LRBA: variants seen among roughly 807,000 people sequenced by gnomAD.
LRBA encodes the protein lipopolysaccharide-responsive and beige-like anchor protein.
LRBA carries 176 observed loss-of-function variants against 330.0 expected under a neutral mutation model. The observed-to-expected ratio is 0.53, with a 90% confidence interval of 0.47 to 0.60. The LOEUF (loss-of-function observed/expected upper bound fraction) is 0.60. LRBA is among the 20% of genes least tolerant of loss of function. The probability of loss-of-function intolerance (pLI) is 0.00; values close to 1 mark genes in which losing one functional copy is unlikely to be tolerated. For missense variants in LRBA, 3,259 were observed against 3,444.8 expected (o/e 0.95, Z 1.35); for synonymous variants, 1,230 against 1,193.0 (o/e 1.03, Z -0.64).
At chr4:150,538,933 C>T (rs899072765) in intron 40 of LRBA, among the ~76,000 whole-genome samples, 2 of 151,914 alleles carry the variant, frequency 1.3e-5, no homozygotes, top group Non-Finnish European at 2.9e-5. Flanking sequence ...CAAACCTGCA[C>T]ATGTAGCCTC....
chr4:150,836,722 T>G (rs537100752), intron 28 of LRBA, among the ~76,000 whole-genome samples: 1 of 152,208 alleles, frequency 6.6e-6, no homozygotes, highest in Admixed American at 6.5e-5. Context: ...CCTATCAATT[T>G]TGTTGATCTT....
intron 37 of LRBA, among the ~76,000 whole-genome samples, chr4:150,644,243 A>T (rs550620071): frequency 6.6e-5 from 10 of 152,054 alleles, no homozygotes; most frequent in Non-Finnish European, 1.2e-4. Flanking sequence ...CAATATTACC[A>T]AACAAAGCAC....
intron 37 of LRBA, among the ~76,000 whole-genome samples, chr4:150,673,941 T>C (rs1224530020): frequency 6.6e-6 from 1 of 152,130 alleles, no homozygotes; most frequent in Admixed American, 6.6e-5. Context: ...AAGAGTCATA[T>C]ATTATGATTT....
intron 44 of LRBA, among the ~76,000 whole-genome samples, chr4:150,448,727 A>C (rs1485324947): frequency 7.0e-6 from 1 of 143,356 alleles, no homozygotes; most frequent in African/African-American, 2.5e-5. Flanking sequence ...GCTTGAACCC[A>C]GAAGGCAGAG....
chr4:150,792,185 C>T (rs1351679779), intron 34 of LRBA, among the ~76,000 whole-genome samples: 1 of 149,228 alleles, frequency 6.7e-6, no homozygotes, highest in Non-Finnish European at 1.5e-5. Flanking sequence ...TTCCTAATAC[C>T]GGATAGTAAG....
intron 40 of LRBA, among the ~76,000 whole-genome samples, chr4:150,506,374 C>A (rs895962300): frequency 6.6e-6 from 1 of 152,154 alleles, no homozygotes; most frequent in African/African-American, 2.4e-5. Context: ...AAAAGCTTAT[C>A]CACCATGATC....
chr4:150,877,099 C>A (rs13109945), intron 17 of LRBA, among the ~76,000 whole-genome samples: 112,734 of 149,300 alleles, frequency 0.76, 43,468 homozygotes, highest in Non-Finnish European at 0.86. Flanking sequence ...TAAAAACACA[C>A]AAAAAAAAAT....
rs147673028 is a variant in LRBA at position 150,503,974 on chromosome 4, C to A, written c.6331-12939G>T. On this transcript the variant is annotated intron_variant, in intron 40 of 56. Transcript: ENST00000651943. ...AAGCCTCAGTAGCCGATGCGATCAA[C>A]TGGAAGAAAGGGTATCAGTGATGGA... Among the ~76,000 whole-genome samples, 601 of 152,248 alleles carry A rather than the reference C, an allele frequency of 3.9e-3. 2 individuals carry two copies. Among genetic ancestry groups the A allele is most frequent in the Non-Finnish European group, 7.0e-3 (479 of 68,032 alleles).
At chr4:150,595,487 A>T (rs151182086) in intron 38 of LRBA, among the ~76,000 whole-genome samples, 5 of 152,056 alleles carry the variant, frequency 3.3e-5, no homozygotes, top group East Asian at 1.9e-4. Flanking sequence ...AAACTATGTT[A>T]AATTCTCCTT....
rs1434813419 is a variant in LRBA, at chr4:150,828,296, C to T, written c.5055G>A (p.Leu1685=). 3 of 1,614,032 alleles carry T rather than the reference C, an allele frequency of 1.9e-6. No individual in the cohort carries two copies. Among genetic ancestry groups the T allele is most frequent in the African/African-American group, 1.3e-5 (1 of 74,928 alleles). ...NVNVKDILRS[L]VNIPADGVTV... is the part of the protein sequence containing the mutation. The stretch of plus-strand genomic sequence containing the variant: ...TGACTCCATCTGCTGGTATGTTAAC[C>T]AAGCTTCGGAGAATGTCTTTCACAT... Residue 1685 remains leucine (L), a synonymous_variant, in exon 30 of 57, where the codon TTG becomes TTA. Coordinates refer to ENST00000651943, the MANE Select transcript of LRBA (RefSeq NM_001364905.1).
At position 150,611,254 on chromosome 4, in the gene LRBA, C is replaced by A. The variant is rs1253147158; in HGVS notation, c.5922-12123G>T. ...CAATAATGTATTAGGCATGCTAGTA[C>A]GTATTTTACATGTGATCTCATTTAA... On this transcript the variant is annotated intron_variant, in intron 37 of 56. Coordinates refer to ENST00000651943, the MANE Select transcript of LRBA (RefSeq NM_001364905.1). Among the ~76,000 whole-genome samples, 3 of 152,214 alleles carry A rather than the reference C, an allele frequency of 2.0e-5. No homozygotes were observed. The South Asian group carries it at 6.2e-4, about 32-fold the overall frequency.
chr4:150,605,610 T>C (rs1039313961), intron 37 of LRBA, among the ~76,000 whole-genome samples: 1 of 152,124 alleles, frequency 6.6e-6, no homozygotes, highest in Non-Finnish European at 1.5e-5. Flanking sequence ...TGGTAACCCC[T>C]AAAAAGCAGT....
At chr4:150,604,824 A>G (rs950784395) in intron 37 of LRBA, among the ~76,000 whole-genome samples, 1 of 152,106 alleles carries the variant, frequency 6.6e-6, no homozygotes, top group African/African-American at 2.4e-5. Context: ...CTGCCCCACA[A>G]TTCAATGCTC....
intron 37 of LRBA, among the ~76,000 whole-genome samples, chr4:150,639,042 T>G (rs1334446364): frequency 1.6e-5 from 2 of 125,244 alleles, no homozygotes; most frequent in Non-Finnish European, 3.3e-5. Context: ...GATGAGTTCA[T>G]GTCCTTTGTA....
chr4:150,539,528 G>T (rs1439235767), intron 40 of LRBA, among the ~76,000 whole-genome samples: 1 of 152,144 alleles, frequency 6.6e-6, no homozygotes, highest in East Asian at 1.9e-4. Flanking sequence ...CTAAACAAGA[G>T]TTTTCAATTG....
chr4:150,996,291 A>G (rs1225415077), intron 2 of LRBA, among the ~76,000 whole-genome samples: 1 of 152,138 alleles, frequency 6.6e-6, no homozygotes, highest in Non-Finnish European at 1.5e-5. Context: ...CTTTTTCTAA[A>G]TATTTTCAAA....
At chr4:150,281,980 C>A (rs1427600255) in intron 55 of LRBA, among the ~76,000 whole-genome samples, 1 of 152,092 alleles carries the variant, frequency 6.6e-6, no homozygotes, top group Non-Finnish European at 1.5e-5. Context: ...GTCTTGTTGT[C>A]CATAAAGAAG....
chr4:150,940,819 CTCTTTCCTACATAA>C (rs1735587640), intron 2 of LRBA, among the ~76,000 whole-genome samples: 1 of 152,034 alleles, frequency 6.6e-6, no homozygotes, highest in Admixed American at 6.5e-5. Context: ...GTAATCTTCT[CTCTTTCCTACATAA>C]TCTTTTAAGT....
intron 47 of LRBA, among the ~76,000 whole-genome samples, chr4:150,386,965 G>C (rs1743166151): frequency 6.6e-6 from 1 of 152,150 alleles, no homozygotes. Context: ...ATTCTGACTG[G>C]TGTGAGATGG....
Sources: gnomAD v4.1 joint callset for allele counts (sites outside exome capture counted in the v4.1 genomes callset) on GRCh38, gnomAD v4.1.1 for gene constraint, MANE v1.5 for transcripts, NCBI Gene and HGNC (gene_info 2026-07-23, HGNC 2026-07-21) for gene names.